The following PCDHA8 variants were observed in gnomAD, a reference collection of about 807,000 sequenced individuals.
PCDHA8 encodes protocadherin alpha-8.
PCDHA8 carries 53 observed loss-of-function variants against 61.8 expected under a neutral mutation model. That is an observed-to-expected ratio of 0.86 (90% CI 0.69 to 1.08). PCDHA8 has a LOEUF of 1.08. PCDHA8 is among the 50% of genes least tolerant of loss of function. PCDHA8 has a pLI of 0.00. For synonymous variants in PCDHA8, 618 were observed against 556.6 expected (o/e 1.11, Z -1.55); for missense variants, 1,293 against 1,245.0 (o/e 1.04, Z -0.58).
intron 1 of PCDHA8, among the ~76,000 whole-genome samples, chr5:140,844,934 G>A (rs1554140786): frequency 6.7e-6 from 1 of 149,226 alleles, no homozygotes; most frequent in Admixed American, 6.7e-5. Context: ...GGGAATGAAC[G>A]ATTTCTGGGA....
chr5:140,985,716 A>G (rs960879186), intron 3 of PCDHA8, among the ~76,000 whole-genome samples: 7 of 113,758 alleles, frequency 6.2e-5, no homozygotes, highest in Admixed American at 2.6e-4. Flanking sequence ...TCTTAAAGTT[A>G]TTTTTCCTTC....
rs782634199 is a variant in PCDHA8 at position 140,882,705 on chromosome 5, G to A, written c.2394+38990G>A. The A allele has an allele frequency of 3.7e-6, 6 of 1,614,172 alleles. No individual in the cohort carries two copies. The South Asian group carries it at 6.6e-5, about 18-fold the overall frequency. On this transcript the variant is annotated intron_variant, in intron 1 of 3. Transcript: ENST00000531613. ...AAACGAATAATCATTGCAGAATCTA[G>A]ACCTCCGGAAACTCGATTTCCACTA...
intron 1 of PCDHA8, among the ~76,000 whole-genome samples, chr5:140,939,679 T>A (rs2092435989): frequency 6.6e-6 from 1 of 152,196 alleles, no homozygotes; most frequent in South Asian, 2.1e-4. Context: ...TGTATGTATG[T>A]GTGTGTTGCT....
chr5:140,937,560 T>A (rs933672983), intron 1 of PCDHA8, among the ~76,000 whole-genome samples: 1 of 152,060 alleles, frequency 6.6e-6, no homozygotes, highest in Non-Finnish European at 1.5e-5. Flanking sequence ...GAGGTTGCAG[T>A]GAGCTGGGAT....
chr5:140,984,969 G>A (rs1045140349), intron 3 of PCDHA8, among the ~76,000 whole-genome samples: 8 of 151,670 alleles, frequency 5.3e-5, no homozygotes, highest in South Asian at 2.1e-4. Context: ...ACAGAGTCTC[G>A]CTCTGTCCCC....
At chr5:140,850,217 C>A (rs2150473800) in intron 1 of PCDHA8, 2 of 1,593,480 alleles carry the variant, frequency 1.3e-6, no homozygotes, top group African/African-American at 1.3e-5. Context: ...GGGGCACTGA[C>A]GGCGCAGTGA....
intron 1 of PCDHA8, among the ~76,000 whole-genome samples, chr5:140,887,132 T>A (rs2061321769): frequency 6.6e-6 from 1 of 151,950 alleles, no homozygotes; most frequent in Non-Finnish European, 1.5e-5. Context: ...AGTCTCACTC[T>A]GTCGCCCAGG....
chr5:140,863,055 G>T (rs570398935), intron 1 of PCDHA8: 9 of 563,522 alleles, frequency 1.6e-5, no homozygotes, highest in African/African-American at 1.3e-4. Context: ...GGCAGCACCC[G>T]TTCCACGTGG....
intron 1 of PCDHA8, chr5:140,871,151 C>T: frequency 6.2e-7 from 1 of 1,613,328 alleles, no homozygotes; most frequent in Non-Finnish European, 8.5e-7. Flanking sequence ...CGGACTTTGG[C>T]GGGCGCCGCG....
intron 1 of PCDHA8, among the ~76,000 whole-genome samples, chr5:140,919,122 T>G (rs879989359): frequency 6.6e-6 from 1 of 152,224 alleles, no homozygotes; most frequent in African/African-American, 2.4e-5. Context: ...AGTTTTTGCT[T>G]CATGTGTTTT....
At chr5:140,925,286 A>G (rs545624226) in intron 1 of PCDHA8, among the ~76,000 whole-genome samples, 9 of 152,288 alleles carry the variant, frequency 5.9e-5, no homozygotes, top group African/African-American at 2.2e-4. Context: ...TTGCCTTTCA[A>G]ATGTTTCATT....
chr5:140,890,772 C>T (rs2062796545), intron 1 of PCDHA8, among the ~76,000 whole-genome samples: 1 of 152,118 alleles, frequency 6.6e-6, no homozygotes, highest in South Asian at 2.1e-4. Context: ...TATTTTAAAA[C>T]CCCATAAGAT....
chr5:140,843,130 C>T lies in PCDHA8; in HGVS notation c.1809C>T (p.Tyr603=), dbSNP rs2150353538. The T allele has an allele frequency of 3.1e-6, 5 of 1,596,012 alleles. No homozygotes were observed. The highest frequency in any genetic ancestry group is 4.3e-6 in the Non-Finnish European group (5 of 1,165,602). ...KVRAVDADSG[Y]NAWLSYELQP... ...GCGCAGTGGACGCCGACTCGGGCTA[C>T]AACGCGTGGCTTTCGTATGAGCTGC... is the stretch of plus-strand genomic sequence containing the variant. Residue 603 remains tyrosine, a synonymous_variant, in exon 1 of 4, where the codon TAC becomes TAT. Coordinates refer to ENST00000531613, the MANE Select transcript of PCDHA8 (RefSeq NM_018911.3).
chr5:140,984,340 T>C (rs1224859959), intron 3 of PCDHA8, among the ~76,000 whole-genome samples: 1 of 152,242 alleles, frequency 6.6e-6, no homozygotes, highest in African/African-American at 2.4e-5. Flanking sequence ...ATAGGAACCA[T>C]GTATTGATAT....
chr5:140,951,008 G>A (rs563188363), intron 1 of PCDHA8, among the ~76,000 whole-genome samples: 2 of 151,974 alleles, frequency 1.3e-5, no homozygotes, highest in South Asian at 4.2e-4. Flanking sequence ...TTTTTCCCAA[G>A]ATCAGGCAGT....
chr5:140,974,605 G>T (rs2096633635), intron 1 of PCDHA8, among the ~76,000 whole-genome samples: 1 of 152,088 alleles, frequency 6.6e-6, no homozygotes, highest in Non-Finnish European at 1.5e-5. Context: ...TCTGCCTCCA[G>T]GGTTCAAGCG....
At chr5:140,939,011 CT>C (rs1302482579) in intron 1 of PCDHA8, among the ~76,000 whole-genome samples, 3 of 152,262 alleles carry the variant, frequency 2.0e-5, no homozygotes, top group South Asian at 2.1e-4. Flanking sequence ...AGAAGTGTTA[CT>C]TTTCTTTTAC....
At position 140,842,951 on chromosome 5, in the gene PCDHA8, C is replaced by A. The variant is rs2150348628; in HGVS notation, c.1630C>A (p.Pro544Thr). 1.9e-6 allele frequency: 3 copies of A among 1,594,846 alleles called. No individual in the cohort carries two copies. The highest frequency in any genetic ancestry group is 2.6e-6 in the Non-Finnish European group (3 of 1,165,504). Reference sequence around the variant, plus strand: ...GAGCGCGCGCGACGCGGGCGTGCCGCCTCTGGGCAGCAACGTGACGCTGCA... The same window carrying A: ...GAGCGCGCGCGACGCGGGCGTGCCGACTCTGGGCAGCAACGTGACGCTGCA... The part of the protein sequence containing the change: ...QVSARDAGVP[P>T]LGSNVTLQVF... Residue 544 changes from proline (P) to threonine (T), a missense_variant, in exon 1 of 4, where the codon CCT (proline) becomes ACT (threonine). Coordinates refer to ENST00000531613, the MANE Select transcript of PCDHA8 (RefSeq NM_018911.3).
chr5:140,866,561 T>C (rs2049423335), intron 1 of PCDHA8: 1 of 152,136 alleles, frequency 6.6e-6, no homozygotes, highest in Non-Finnish European at 1.5e-5. Context: ...TCCTATAATT[T>C]TGTTAATACA....
Sources: allele counts gnomAD v4.1 joint callset (sites outside exome capture counted in the v4.1 genomes callset), GRCh38; gene constraint gnomAD v4.1.1; transcripts MANE v1.5; gene names NCBI Gene and HGNC (gene_info 2026-07-23, HGNC 2026-07-21).